CBFB: variants seen among roughly 807,000 people sequenced by gnomAD.
The protein encoded by CBFB is CBF-beta.
CBFB carries 9 observed loss-of-function variants against 30.4 expected under a neutral mutation model. That is an observed-to-expected ratio of 0.30 (90% confidence interval 0.18 to 0.52). CBFB has a LOEUF of 0.52. Among genes scored for constraint, CBFB ranks in the 20% least tolerant of loss-of-function variants. CBFB has a pLI of 0.97. For missense variants in CBFB, 170 were observed against 244.0 expected (o/e 0.70, Z 2.02); for synonymous variants, 94 against 84.0 (o/e 1.12, Z -0.65).
At chr16:67,054,568 T>G (rs572586947) in intron 3 of CBFB, among the ~76,000 whole-genome samples, 1 of 152,196 alleles carries the variant, frequency 6.6e-6, no homozygotes, top group East Asian at 1.9e-4. Flanking sequence ...TCCTTTCTTA[T>G]ATTTTTTCTA....
intron 4 of CBFB, among the ~76,000 whole-genome samples, chr16:67,080,565 C>A (rs529443820): frequency 2.6e-5 from 4 of 152,246 alleles, no homozygotes; most frequent in African/African-American, 7.2e-5. Flanking sequence ...GCAATGAGTC[C>A]TGAGGTATCT....
chr16:67,092,740 T>C (rs1961932674), intron 5 of CBFB, among the ~76,000 whole-genome samples: 1 of 139,620 alleles, frequency 7.2e-6, no homozygotes. Context: ...TGAGATAAAG[T>C]TTCACTCTGC....
chr16:67,041,457 T>C (rs886798983), intron 3 of CBFB, among the ~76,000 whole-genome samples: 40 of 152,068 alleles, frequency 2.6e-4, no homozygotes, highest in Admixed American at 7.2e-4. Context: ...GGATTAGATA[T>C]GGCGTGTGAG....
intron 4 of CBFB, among the ~76,000 whole-genome samples, chr16:67,067,568 A>G (rs1208515754): frequency 6.6e-6 from 1 of 152,148 alleles, no homozygotes; most frequent in Non-Finnish European, 1.5e-5. Context: ...CATGGAAGCT[A>G]TTGAATCTCA....
intron 3 of CBFB, among the ~76,000 whole-genome samples, chr16:67,037,176 C>A (rs1323864662): frequency 6.6e-6 from 1 of 152,116 alleles, no homozygotes; most frequent in Non-Finnish European, 1.5e-5. Context: ...GGATTACAGG[C>A]GTGAGCCACT....
At chr16:67,083,339 A>G (rs1291874757) in intron 5 of CBFB, among the ~76,000 whole-genome samples, 4 of 148,866 alleles carry the variant, frequency 2.7e-5, no homozygotes, top group African/African-American at 1.0e-4. Flanking sequence ...TCTGTCGCCC[A>G]GGCTGGAGTA....
chr16:67,040,983 CTG>C (rs1344901158), intron 3 of CBFB, among the ~76,000 whole-genome samples: 1 of 152,128 alleles, frequency 6.6e-6, no homozygotes, highest in Non-Finnish European at 1.5e-5. Flanking sequence ...CTGGAGTAGA[CTG>C]TGAAAGAAGT....
intron 5 of CBFB, among the ~76,000 whole-genome samples, chr16:67,091,797 G>A (rs1961889745): frequency 6.6e-6 from 1 of 152,036 alleles, no homozygotes; most frequent in Non-Finnish European, 1.5e-5. Flanking sequence ...TTGTTACATA[G>A]GTATACCTGT....
intron 5 of CBFB, among the ~76,000 whole-genome samples, chr16:67,092,698 CTTTTTTTTTTTT>C (rs777213321): frequency 1.7e-3 from 58 of 33,536 alleles, no homozygotes; most frequent in Admixed American, 3.6e-3. Flanking sequence ...GTGGTGCAAT[CTTTTTTTTTTTT>C]TTTTTTTTTT....
intron 5 of CBFB, among the ~76,000 whole-genome samples, chr16:67,096,991 T>C (rs1385066548): frequency 6.6e-6 from 1 of 151,192 alleles, no homozygotes; most frequent in Non-Finnish European, 1.5e-5. Context: ...TCCAGCACTT[T>C]GGGAGGCCAA....
chr16:67,087,076 A>G (rs1961753313), intron 5 of CBFB, among the ~76,000 whole-genome samples: 1 of 152,182 alleles, frequency 6.6e-6, no homozygotes, highest in Admixed American at 6.5e-5. Flanking sequence ...TGCCAAGTCA[A>G]GAGAGTGTGA....
intron 4 of CBFB, among the ~76,000 whole-genome samples, chr16:67,069,890 G>A (rs779478968): frequency 4.6e-5 from 7 of 152,168 alleles, no homozygotes; most frequent in Admixed American, 1.3e-4. Flanking sequence ...TTGGGAGACC[G>A]AAGTGGGAGG....
rs1222049525 is a variant in CBFB, at chr16:67,036,969, G to A, written c.282+214G>A. Among the ~76,000 whole-genome samples the A allele has an allele frequency of 3.3e-5, 5 of 151,954 alleles. No homozygotes were observed. The South Asian group carries it at 8.3e-4, about 25-fold the overall frequency. On this transcript the variant is annotated intron_variant, in intron 3 of 5. Coordinates refer to ENST00000412916, the MANE Select transcript of CBFB (RefSeq NM_022845.3). ...GCTGGAGTGCAGTGGCGTGATGTTG[G>A]TTCACTGCAATCTCCGCCTTCCAGT... is the stretch of plus-strand genomic sequence containing the variant.
At chr16:67,082,129 G>GAAAA (rs36017652) in intron 4 of CBFB, 84 bp from the exon 5 acceptor site, 106 of 864,740 alleles carry the variant, frequency 1.2e-4, no homozygotes, top group Non-Finnish European at 1.4e-4. Context: ...ACTGTTTCAG[G>GAAAA]AAAAAAAAAA....
chr16:67,046,340 A>G (rs942903611), intron 3 of CBFB, among the ~76,000 whole-genome samples: 17 of 152,102 alleles, frequency 1.1e-4, no homozygotes, highest in East Asian at 3.9e-4. Context: ...GACTCAAGCA[A>G]TCCTCTCGCC....
intron 4 of CBFB, among the ~76,000 whole-genome samples, chr16:67,069,083 G>A (rs574924802): frequency 6.6e-6 from 1 of 152,086 alleles, no homozygotes; most frequent in African/African-American, 2.4e-5. Context: ...GCATGGTGGC[G>A]CATGCCTGTA....
chr16:67,070,556 C>T (rs1961189974), intron 4 of CBFB, among the ~76,000 whole-genome samples: 2 of 152,062 alleles, frequency 1.3e-5, no homozygotes, highest in South Asian at 4.1e-4. Flanking sequence ...TTTTAAAAAA[C>T]TAAAGTATTT....
rs778519530 is a variant in CBFB, at chr16:67,098,761, G to T, written c.547G>T (p.Asp183Tyr). 1.9e-6 allele frequency: 3 copies of T among 1,603,146 alleles called. No homozygotes were observed. The highest frequency in any genetic ancestry group is 1.3e-5 in the African/African-American group (1 of 74,642). Residue 183 changes from aspartate to tyrosine, a missense_variant, in exon 6 of 6, where the codon GAC becomes TAC. By Grantham distance (160) the Asp-to-Tyr change is radical. Coordinates refer to ENST00000412916, the MANE Select transcript of CBFB (RefSeq NM_022845.3). The part of the protein sequence containing the change: ...SPGSNLGGGD[D>Y]LKLR The stretch of plus-strand genomic sequence containing the variant: ...TGGTTCCAATTTAGGTGGTGGTGAT[G>T]ACCTCAAACTTCGTTAATTAATAGC...
intron 2 of CBFB, among the ~76,000 whole-genome samples, chr16:67,031,789 A>G (rs913825552): frequency 1.5e-4 from 23 of 150,664 alleles, no homozygotes; most frequent in African/African-American, 4.9e-4. Flanking sequence ...CTGGGATTAC[A>G]GGTGTGAGCC....
Sources: gnomAD v4.1 joint callset for allele counts (sites outside exome capture counted in the v4.1 genomes callset) on GRCh38, gnomAD v4.1.1 for gene constraint, MANE v1.5 for transcripts, NCBI Gene and HGNC (gene_info 2026-07-23, HGNC 2026-07-21) for gene names.